Variants in TMEM17 observed in about 807,000 individuals in gnomAD.
TMEM17 encodes transmembrane protein 17.
TMEM17 carries 15 observed loss-of-function variants against 19.1 expected under a neutral mutation model. That is an observed-to-expected ratio of 0.78 (90% CI 0.52 to 1.21). The LOEUF is 1.21. Ranked by LOEUF, TMEM17 falls within the 50% of genes most tolerant of loss-of-function variation. The pLI, the probability that TMEM17 is intolerant of heterozygous loss-of-function variation, is 0.00. For missense variants in TMEM17, 245 were observed against 242.3 expected, an observed-to-expected ratio of 1.01 and a Z score of -0.07; for synonymous variants, 103 against 86.9, an observed-to-expected ratio of 1.19 and a Z score of -1.03.
the TMEM17 span, among the ~76,000 whole-genome samples, chr2:62,477,186 C>T: frequency 2.6e-5 from 4 of 152,118 alleles, no homozygotes; most frequent in Admixed American, 6.5e-5. Flanking sequence ...CACCTGAGGT[C>T]GGGAGTTTGA....
At chr2:62,460,590 A>T in the TMEM17 span, among the ~76,000 whole-genome samples, 29 of 152,348 alleles carry the variant, frequency 1.9e-4, no homozygotes, top group East Asian at 1.2e-3. Flanking sequence ...TTGTATTTTT[A>T]AAAAAATTTT....
downstream of TMEM17, among the ~76,000 whole-genome samples, chr2:62,495,252 G>C (rs1679752324): frequency 6.6e-6 from 1 of 152,162 alleles, no homozygotes; most frequent in South Asian, 2.1e-4. Flanking sequence ...TTTGTATCTT[G>C]TTTTCAGGTG....
the TMEM17 span, among the ~76,000 whole-genome samples, chr2:62,465,672 C>G: frequency 6.6e-6 from 1 of 152,016 alleles, no homozygotes; most frequent in Non-Finnish European, 1.5e-5. Context: ...AGCACTGACA[C>G]AGTAAGTGCT....
the TMEM17 span, chr2:62,491,105 A>AAAAAC: frequency 8.2e-5 from 12 of 147,200 alleles, no homozygotes; most frequent in East Asian, 3.9e-4. Flanking sequence ...AAAAAAAAAA[A>AAAAAC]CCTCTTCAGT....
chr2:62,502,299 G>C, intron 3 of TMEM17, 138 bp downstream of exon 3: 1 of 542,158 alleles, frequency 1.8e-6, no homozygotes, highest in East Asian at 3.0e-5. Context: ...ACAGACCACA[G>C]TGACAGAAGT....
the TMEM17 span, among the ~76,000 whole-genome samples, chr2:62,482,475 C>T: frequency 1.4e-3 from 209 of 152,322 alleles, no homozygotes; most frequent in African/African-American, 4.8e-3. Context: ...CCCAAAACCC[C>T]TTTCCTGTGG....
chr2:62,463,957 G>T, the TMEM17 span: 1 of 152,208 alleles, frequency 6.6e-6, no homozygotes. Context: ...GAATCTGACT[G>T]GAGACGGCCA....
chr2:62,495,207 T>G, the TMEM17 span, among the ~76,000 whole-genome samples: 1 of 152,332 alleles, frequency 6.6e-6, no homozygotes, highest in South Asian at 2.1e-4. Context: ...TGTCTTTGGC[T>G]TTTCATAGAA....
At chr2:62,479,722 C>CA in the TMEM17 span, among the ~76,000 whole-genome samples, 3 of 151,796 alleles carry the variant, frequency 2.0e-5, no homozygotes, top group Non-Finnish European at 2.9e-5. Context: ...CCCATCTCTA[C>CA]AAAAAATAAA....
chr2:62,490,643 T>A, the TMEM17 span, among the ~76,000 whole-genome samples: 1 of 152,204 alleles, frequency 6.6e-6, no homozygotes, highest in Admixed American at 6.5e-5. Context: ...TAAAACACTT[T>A]GGATCATAGA....
chr2:62,501,158 C>A lies in TMEM17; in HGVS notation c.*51G>T. On this transcript the variant is annotated 3_prime_UTR_variant, in exon 4 of 4. Coordinates refer to ENST00000335390, the MANE Select transcript of TMEM17 (RefSeq NM_198276.3). ...TCTCAGAGCTCTGATATTTTCCTAA[C>A]TCTTACAGTCTCTAGAATGATCTGT... 6.4e-7 allele frequency: 1 copy of A among 1,567,656 alleles called. No individual in the cohort carries two copies. The highest frequency in any genetic ancestry group is 1.2e-5 in the South Asian group (1 of 83,776).
At chr2:62,503,797 A>C (rs1198502802) in intron 1 of TMEM17, among the ~76,000 whole-genome samples, 1 of 152,250 alleles carries the variant, frequency 6.6e-6, no homozygotes, top group Non-Finnish European at 1.5e-5. Flanking sequence ...TGAATATCAA[A>C]TACACATAAG....
the TMEM17 span, among the ~76,000 whole-genome samples, chr2:62,459,604 A>G: frequency 6.6e-6 from 1 of 152,354 alleles, no homozygotes; most frequent in East Asian, 1.9e-4. Context: ...TATTTTACAC[A>G]CTAACTTATT....
chr2:62,456,373 C>G, the TMEM17 span, among the ~76,000 whole-genome samples: 2 of 152,232 alleles, frequency 1.3e-5, no homozygotes, highest in South Asian at 4.1e-4. Context: ...TACCCATCTT[C>G]AAAGCCAGCA....
chr2:62,481,723 GTGT>G, the TMEM17 span, among the ~76,000 whole-genome samples: 2 of 151,840 alleles, frequency 1.3e-5, no homozygotes, highest in Non-Finnish European at 2.9e-5. Flanking sequence ...GTGTGTGTGT[GTGT>G]GTGTGTGTGT....
chr2:62,476,826 A>G, the TMEM17 span, among the ~76,000 whole-genome samples: 1 of 152,108 alleles, frequency 6.6e-6, no homozygotes, highest in Non-Finnish European at 1.5e-5. Flanking sequence ...TTGCTTGCTG[A>G]GCTGTGTATT....
chr2:62,454,244 G>A, the TMEM17 span, among the ~76,000 whole-genome samples: 1 of 152,234 alleles, frequency 6.6e-6, no homozygotes, highest in South Asian at 2.1e-4. Flanking sequence ...ACCCTACTGA[G>A]AGGAGGGGAA....
At chr2:62,485,939 T>C in the TMEM17 span, among the ~76,000 whole-genome samples, 1 of 152,218 alleles carries the variant, frequency 6.6e-6, no homozygotes, top group South Asian at 2.1e-4. Context: ...CCTTACAAAG[T>C]GAATGTTTAA....
At chr2:62,457,755 A>C in the TMEM17 span, among the ~76,000 whole-genome samples, 5 of 152,136 alleles carry the variant, frequency 3.3e-5, no homozygotes, top group Non-Finnish European at 5.9e-5. This position sits in a 1 kb window ranked among gnomAD's most constrained non-coding sequence, Gnocchi z 4.2. Flanking sequence ...TTAAGGCCTT[A>C]GTTTAACTGG....
Sources: allele counts gnomAD v4.1 joint callset (sites outside exome capture counted in the v4.1 genomes callset), GRCh38; gene constraint gnomAD v4.1.1; non-coding constraint Gnocchi (gnomAD v3.1); transcripts MANE v1.5; gene names NCBI Gene and HGNC (gene_info 2026-07-23, HGNC 2026-07-21).